The following GNB4 variants were observed in gnomAD, a reference collection of about 807,000 sequenced individuals.
GNB4 encodes the protein guanine nucleotide-binding protein subunit beta-4.
GNB4 carries 28 observed loss-of-function variants against 45.2 expected under a neutral mutation model. The ratio of observed to expected loss-of-function variants is 0.62; its 90% confidence interval spans 0.46 to 0.85. The LOEUF (loss-of-function observed/expected upper bound fraction) is 0.85. GNB4 is among the 40% of genes least tolerant of loss of function. The pLI, the probability that GNB4 is intolerant of heterozygous loss-of-function variation, is 0.00. For synonymous variants in GNB4, 132 were observed against 143.7 expected, an observed-to-expected ratio of 0.92 and a Z score of 0.58; for missense variants, 321 against 425.4, an observed-to-expected ratio of 0.75 and a Z score of 2.16.
chr3:179,525,966 C>T, the GNB4 span, among the ~76,000 whole-genome samples: 6 of 152,296 alleles, frequency 3.9e-5, no homozygotes, highest in Non-Finnish European at 5.9e-5. Flanking sequence ...AAATGTCACA[C>T]GCGTCTGTGT....
chr3:179,405,155 G>C (rs751674443), intron 9 of GNB4, 35 bp downstream of exon 9: 2 of 1,548,540 alleles, frequency 1.3e-6, no homozygotes, highest in Non-Finnish European at 1.8e-6. Flanking sequence ...CACGCTTCCT[G>C]AAAATCAGAA....
chr3:179,434,458 C>G (rs1326614388), intron 1 of GNB4, among the ~76,000 whole-genome samples: 1 of 152,080 alleles, frequency 6.6e-6, no homozygotes, highest in East Asian at 1.9e-4. Flanking sequence ...CAGTGGCTCA[C>G]ACCTGTAATC....
At chr3:179,473,125 T>C in the GNB4 span, among the ~76,000 whole-genome samples, 5 of 152,108 alleles carry the variant, frequency 3.3e-5, no homozygotes, top group Admixed American at 6.5e-5. Context: ...ATCCTGCCAC[T>C]GCACTCCAGC....
intron 3 of GNB4, 43 bp downstream of exon 3, chr3:179,420,846 T>G (rs1355765037): frequency 7.9e-7 from 1 of 1,265,306 alleles, no homozygotes; most frequent in East Asian, 2.3e-5. Flanking sequence ...GTCAAATTAT[T>G]TTATGAGTTA....
chr3:179,466,849 T>G, the GNB4 span, among the ~76,000 whole-genome samples: 144 of 152,316 alleles, frequency 9.5e-4, no homozygotes, highest in African/African-American at 3.2e-3. Context: ...TTCCAGCTTG[T>G]TTGATTAATC....
chr3:179,416,108 A>T (rs1464630143), intron 5 of GNB4, among the ~76,000 whole-genome samples: 1 of 152,326 alleles, frequency 6.6e-6, no homozygotes, highest in East Asian at 1.9e-4. Context: ...CCAGAAGCAC[A>T]AATCAGTGCC....
At chr3:179,455,202 T>C (rs1009673308), upstream of GNB4, among the ~76,000 whole-genome samples, 3 of 152,164 alleles carry the variant, frequency 2.0e-5, no homozygotes, top group Non-Finnish European at 4.4e-5. Flanking sequence ...GTCAATGATA[T>C]CTGTCACAGG....
intron 8 of GNB4, chr3:179,405,916 A>G (rs9877945): frequency 0.12 from 17,942 of 152,208 alleles, 2,963 homozygotes; most frequent in African/African-American, 0.37. Context: ...TCAAGTCAAC[A>G]TTATTAAATA....
At chr3:179,490,450 A>G in the GNB4 span, among the ~76,000 whole-genome samples, 1 of 152,172 alleles carries the variant, frequency 6.6e-6, no homozygotes, top group Non-Finnish European at 1.5e-5. Flanking sequence ...GACATATATG[A>G]GAGGGGATTC....
At chr3:179,405,480 A>C in intron 8 of GNB4, 74 bp from the exon 9 acceptor site, 3 of 1,020,416 alleles carry the variant, frequency 2.9e-6, no homozygotes, top group Non-Finnish European at 4.3e-6. Flanking sequence ...ATAATAGACA[A>C]ATCTAGATTA....
chr3:179,418,470 CAA>C lies in GNB4; in HGVS notation c.203+927_203+928del, dbSNP rs386356535. 4.3e-3 allele frequency among the ~76,000 whole-genome samples: 408 copies of C among 95,352 alleles called. 2 individuals carry two copies. Among genetic ancestry groups the C allele is most frequent in the African/African-American group, 0.014 (341 of 25,158 alleles). The allele number at this position is 95,352 out of a possible 152,430, so 62.6% of individuals were successfully genotyped here. A position where few individuals can be genotyped will look rare whatever the true frequency, so the allele number is the denominator to read the frequency against. On this transcript the variant is annotated intron_variant, in intron 4 of 9. Transcript: ENST00000232564. Reference sequence around the variant, plus strand: ...GGGCAACAAGAGTGAAACTCTGTCTCAAAAAAAAAAAAAAAAAAGAAAAAAGA... The same window carrying C: ...GGGCAACAAGAGTGAAACTCTGTCTCAAAAAAAAAAAAAAAAGAAAAAAGA...
intron 6 of GNB4, 125 bp from the exon 7 acceptor site, chr3:179,413,906 T>C: frequency 1.4e-6 from 1 of 710,172 alleles, no homozygotes. Flanking sequence ...CAATATAGTC[T>C]ATAGTTCTAC....
At chr3:179,523,788 GA>G in the GNB4 span, among the ~76,000 whole-genome samples, 2 of 152,086 alleles carry the variant, frequency 1.3e-5, no homozygotes, top group African/African-American at 4.8e-5. Context: ...AGGTGGGGGG[GA>G]TATGAGAGGA....
chr3:179,509,172 C>A, the GNB4 span, among the ~76,000 whole-genome samples: 1 of 61,232 alleles, frequency 1.6e-5, no homozygotes, highest in Non-Finnish European at 4.6e-5. Context: ...TATACATACA[C>A]ACACACACAC....
At chr3:179,506,850 C>T in the GNB4 span, among the ~76,000 whole-genome samples, 4 of 152,022 alleles carry the variant, frequency 2.6e-5, no homozygotes, top group African/African-American at 7.3e-5. Context: ...ATTTCCTTCC[C>T]CTTATCTTAC....
the GNB4 span, among the ~76,000 whole-genome samples, chr3:179,475,304 T>G: frequency 1.3e-5 from 2 of 151,366 alleles, no homozygotes; most frequent in African/African-American, 4.9e-5. Context: ...TTTTTATAAT[T>G]GCAGACAGGT....
chr3:179,471,426 A>G, the GNB4 span, among the ~76,000 whole-genome samples: 2 of 152,094 alleles, frequency 1.3e-5, no homozygotes, highest in Non-Finnish European at 2.9e-5. Flanking sequence ...AATATTTTAT[A>G]CTGTATTTTT....
At chr3:179,503,335 A>C in the GNB4 span, among the ~76,000 whole-genome samples, 2 of 152,238 alleles carry the variant, frequency 1.3e-5, no homozygotes, top group Non-Finnish European at 2.9e-5. Flanking sequence ...ACAGATGAGT[A>C]GTATGTAATA....
chr3:179,511,003 CCT>C, the GNB4 span, among the ~76,000 whole-genome samples: 1 of 152,094 alleles, frequency 6.6e-6, no homozygotes, highest in Non-Finnish European at 1.5e-5. Context: ...CCACCCCCCA[CCT>C]ACACAGATGC....
Sources: allele counts gnomAD v4.1 joint callset (sites outside exome capture counted in the v4.1 genomes callset), GRCh38; gene constraint gnomAD v4.1.1; transcripts MANE v1.5; gene names NCBI Gene and HGNC (gene_info 2026-07-23, HGNC 2026-07-21).